SHC3: variants seen among roughly 807,000 people sequenced by gnomAD.
The protein encoded by SHC3 is SHC adaptor protein 3, also known as SHC-transforming protein 3.
In SHC3, 15 loss-of-function variants were observed where a neutral mutation model predicts 60.4. The ratio of observed to expected loss-of-function variants is 0.25; its 90% confidence interval spans 0.17 to 0.38. The LOEUF is 0.38. Ranked by LOEUF, SHC3 falls within the 10% of genes least tolerant of loss-of-function variation. SHC3 has a pLI of 1.00. For synonymous variants in SHC3, 294 were observed against 325.9 expected (o/e 0.90, Z 1.05); for missense variants, 677 against 786.1 (o/e 0.86, Z 1.66).
intron 1 of SHC3, among the ~76,000 whole-genome samples, chr9:89,127,902 C>A (rs1042143277): frequency 6.6e-6 from 1 of 152,004 alleles, no homozygotes; most frequent in Non-Finnish European, 1.5e-5. Flanking sequence ...TACCTTCCAG[C>A]TGTGCCTGCT....
At chr9:89,092,241 A>C (rs1825632221) in intron 2 of SHC3, among the ~76,000 whole-genome samples, 1 of 152,172 alleles carries the variant, frequency 6.6e-6, no homozygotes, top group African/African-American at 2.4e-5. Context: ...GGGTCCTCAC[A>C]GCATTGTTTT....
chr9:89,139,663 T>A (rs1259494781), intron 1 of SHC3, among the ~76,000 whole-genome samples: 1 of 152,270 alleles, frequency 6.6e-6, no homozygotes, highest in Non-Finnish European at 1.5e-5. Flanking sequence ...GTACAGAGAC[T>A]GCTGTAGACT....
chr9:89,063,527 C>T (rs556153582), intron 6 of SHC3, among the ~76,000 whole-genome samples: 169 of 152,156 alleles, frequency 1.1e-3, no homozygotes, highest in Non-Finnish European at 2.1e-3. Context: ...CCTAGAGCTG[C>T]CATACAGAAA....
chr9:89,120,730 C>T (rs1826080309), intron 1 of SHC3, among the ~76,000 whole-genome samples: 2 of 152,046 alleles, frequency 1.3e-5, no homozygotes, highest in Admixed American at 1.3e-4. Context: ...TACTTTCTTT[C>T]CCATATAGAG....
Position 89,110,385 on chromosome 9 carries a change from A to G in SHC3, c.545+2171T>C, listed in dbSNP as rs1013912667. The G allele has an allele frequency of 9.1e-6, 9 of 984,984 alleles. No homozygotes were observed. The African/African-American group carries it at 1.6e-4, about 17-fold the overall frequency. 61.0% of individuals were successfully genotyped at this position (984,984 alleles called of 1,614,324 possible). A position where few individuals can be genotyped will look rare whatever the true frequency, so the allele number is the denominator to read the frequency against. ...GGTGCCTGTATAATATAACTTAATT[A>G]GGACATTAGATTTCCCTATAAACTT... On this transcript the variant is annotated intron_variant, in intron 2 of 11. Transcript: ENST00000375835.
At chr9:89,059,926 T>C (rs952217536) in intron 6 of SHC3, among the ~76,000 whole-genome samples, 9 of 127,492 alleles carry the variant, frequency 7.1e-5, no homozygotes, top group Admixed American at 1.6e-4. Context: ...GGATGTCATA[T>C]AGGATGTGGT....
chr9:89,109,359 G>A (rs927045804), intron 2 of SHC3: 18 of 946,024 alleles, frequency 1.9e-5, no homozygotes, highest in Admixed American at 1.9e-4. Flanking sequence ...GAAGTCCAGC[G>A]AGGGTGCACA....
chr9:89,047,551 GA>G (rs1469700041), intron 7 of SHC3, among the ~76,000 whole-genome samples: 2 of 152,144 alleles, frequency 1.3e-5, no homozygotes, highest in African/African-American at 4.8e-5. Context: ...ACTCAACAAT[GA>G]AAAGACAACC....
intron 1 of SHC3, among the ~76,000 whole-genome samples, chr9:89,172,396 G>T (rs547754590): frequency 6.6e-6 from 1 of 152,242 alleles, no homozygotes; most frequent in East Asian, 1.9e-4. Flanking sequence ...TCACAGTGGG[G>T]TCAAAATGTT....
At chr9:89,071,139 C>A (rs1191458286) in intron 5 of SHC3, 60 bp downstream of exon 5, 12 of 1,518,766 alleles carry the variant, frequency 7.9e-6, no homozygotes, top group Middle Eastern at 3.4e-4. Context: ...ATTATTGAAG[C>A]AGGGGTCCCT....
chr9:89,055,657 T>C (rs1403220102), intron 6 of SHC3, among the ~76,000 whole-genome samples: 2 of 152,208 alleles, frequency 1.3e-5, no homozygotes, highest in Non-Finnish European at 2.9e-5. Flanking sequence ...GTTCTGCTCT[T>C]AGCCCGTCAC....
chr9:89,089,745 TG>T (rs1564134456), intron 2 of SHC3, among the ~76,000 whole-genome samples: 1 of 152,218 alleles, frequency 6.6e-6, no homozygotes, highest in African/African-American at 2.4e-5. Context: ...CAAGTCTTCT[TG>T]GGGGCATGAG....
intron 2 of SHC3, among the ~76,000 whole-genome samples, chr9:89,105,143 G>A (rs1825839417): frequency 6.6e-6 from 1 of 152,178 alleles, no homozygotes; most frequent in Non-Finnish European, 1.5e-5. Flanking sequence ...ACAGTGGTCA[G>A]CAAATCCATC....
At chr9:89,131,848 C>G (rs1045565836) in intron 1 of SHC3, among the ~76,000 whole-genome samples, 1 of 152,102 alleles carries the variant, frequency 6.6e-6, no homozygotes, top group Non-Finnish European at 1.5e-5. Flanking sequence ...AAAACTGGCA[C>G]AAGACAGGGA....
Position 89,178,207 on chromosome 9 carries a change from G to A in SHC3, c.254C>T (p.Ser85Leu), listed in dbSNP as rs1314732030. 1.4e-6 allele frequency: 2 copies of A among 1,422,354 alleles called. No homozygotes were observed. Among genetic ancestry groups the A allele is most frequent in the Non-Finnish European group, 1.8e-6 (2 of 1,085,864 alleles). The allele number at this position is 1,422,354 out of a possible 1,614,324, so 88.1% of individuals were successfully genotyped here. A position where few individuals can be genotyped will look rare whatever the true frequency, so the allele number is the denominator to read the frequency against. Residue 85 changes from serine (S) to leucine (L), a missense_variant, in exon 1 of 12, where the codon TCG becomes TTG. Coordinates refer to ENST00000375835, the MANE Select transcript of SHC3 (RefSeq NM_016848.6). The surrounding 1 kb of genome is among the most constrained non-coding windows in gnomAD (Gnocchi z 6.9). The stretch of plus-strand genomic sequence containing the variant: ...GCCCGCCCGCTCCCGGGCGGCCGAC[G>A]ACAGGCCGCGGAGGCCCGAGCTGGA... ...KLSSSGLRGLSSAARERAGAR... is the reference protein window; with the variant it reads ...KLSSSGLRGLLSAARERAGAR...
chr9:89,059,653 TGGTGGTGGAGGAC>T (rs1825037556), intron 6 of SHC3, among the ~76,000 whole-genome samples: 1 of 53,340 alleles, frequency 1.9e-5, no homozygotes, highest in Non-Finnish European at 3.5e-5. Flanking sequence ...TGATGGAGGA[TGGTGGTGGAGGAC>T]GTGGTGGAGG....
intron 1 of SHC3, among the ~76,000 whole-genome samples, chr9:89,124,911 T>C (rs1337768869): frequency 6.6e-6 from 1 of 151,936 alleles, no homozygotes; most frequent in East Asian, 1.9e-4. Context: ...CATCACTCAA[T>C]TAATAAATGT....
chr9:89,142,634 C>T (rs1031078291), intron 1 of SHC3, among the ~76,000 whole-genome samples: 5 of 147,000 alleles, frequency 3.4e-5, no homozygotes, highest in Non-Finnish European at 7.4e-5. Context: ...TGAGATCGCA[C>T]GACTGCACTC....
intron 7 of SHC3, among the ~76,000 whole-genome samples, chr9:89,049,142 T>G (rs778575230): frequency 6.6e-6 from 1 of 152,116 alleles, no homozygotes; most frequent in Non-Finnish European, 1.5e-5. Context: ...GCGCCTGTAG[T>G]CCCAGCTACT....
Sources: allele counts gnomAD v4.1 joint callset (sites outside exome capture counted in the v4.1 genomes callset), GRCh38; gene constraint gnomAD v4.1.1; non-coding constraint Gnocchi (gnomAD v3.1); transcripts MANE v1.5; gene names NCBI Gene and HGNC (gene_info 2026-07-23, HGNC 2026-07-21).